Variants in DLG2 observed in about 807,000 individuals in gnomAD.
The protein encoded by DLG2 is disks large homolog 2.
DLG2 carries 45 observed loss-of-function variants against 132.5 expected under a neutral mutation model. The observed-to-expected ratio is 0.34, with a 90% CI of 0.27 to 0.44. The LOEUF (loss-of-function observed/expected upper bound fraction) is 0.44, where lower values mean the gene tolerates loss of function less well. DLG2 is among the 20% of genes least tolerant of loss of function. DLG2 has a pLI of 1.00. For missense variants in DLG2, 1,045 were observed against 1,196.9 expected (o/e 0.87, Z 1.87); for synonymous variants, 424 against 419.6 (o/e 1.01, Z -0.13).
At chr11:85,444,626 G>A (rs1247028966) in intron 3 of DLG2, among the ~76,000 whole-genome samples, 1 of 152,148 alleles carries the variant, frequency 6.6e-6, no homozygotes, top group African/African-American at 2.4e-5. Context: ...GCATGCCCTC[G>A]ACAAGAGCTA....
chr11:84,040,549 C>T (rs928934533), intron 11 of DLG2, among the ~76,000 whole-genome samples: 2,500 of 152,106 alleles, frequency 0.016, 72 homozygotes, highest in African/African-American at 0.056. Flanking sequence ...GGCATTATTT[C>T]TGAGGGCTCT....
chr11:84,184,276 T>G (rs928576772), intron 8 of DLG2, among the ~76,000 whole-genome samples: 28 of 151,554 alleles, frequency 1.8e-4, no homozygotes, highest in African/African-American at 5.8e-4. Context: ...TTCTAACTGG[T>G]GTGAGATGGT....
intron 18 of DLG2, among the ~76,000 whole-genome samples, chr11:83,775,539 A>C (rs1018122986): frequency 5.3e-5 from 8 of 152,180 alleles, no homozygotes; most frequent in Non-Finnish European, 1.0e-4. Context: ...ATTTTTAGAA[A>C]GGTGTCAGGC....
At chr11:84,640,482 A>G in intron 6 of DLG2, 1 of 459,162 alleles carries the variant, frequency 2.2e-6, no homozygotes. Flanking sequence ...GCAAGCCACA[A>G]CAGTTAAAAA....
intron 7 of DLG2, among the ~76,000 whole-genome samples, chr11:84,484,261 T>C (rs992045653): frequency 6.6e-6 from 1 of 152,142 alleles, no homozygotes; most frequent in South Asian, 2.1e-4. Context: ...TAAAAGCTAG[T>C]GTAAGATCCT....
intron 3 of DLG2, among the ~76,000 whole-genome samples, chr11:85,419,716 T>G (rs771630469): frequency 1.3e-5 from 2 of 152,230 alleles, no homozygotes; most frequent in Non-Finnish European, 2.9e-5. Flanking sequence ...TTCCACTTGA[T>G]CAACTCGGCT....
chr11:85,319,339 A>C (rs1313830270), intron 3 of DLG2, among the ~76,000 whole-genome samples: 1 of 151,860 alleles, frequency 6.6e-6, no homozygotes, highest in Non-Finnish European at 1.5e-5. Context: ...AAGGTTTAAC[A>C]ATAGTAATCT....
intron 14 of DLG2, among the ~76,000 whole-genome samples, chr11:83,962,048 C>T (rs575901789): frequency 3.9e-5 from 6 of 152,052 alleles, no homozygotes; most frequent in African/African-American, 7.2e-5. Context: ...CTTTCCTCTC[C>T]GGCAGAAAGT....
intron 18 of DLG2, among the ~76,000 whole-genome samples, chr11:83,760,870 C>A (rs866375668): frequency 1.3e-5 from 2 of 152,136 alleles, no homozygotes; most frequent in African/African-American, 4.8e-5. Flanking sequence ...TACCTTTCTG[C>A]CTACATCAAG....
chr11:85,021,607 G>A lies in DLG2; in HGVS notation c.357+90054C>T, dbSNP rs140383506. On this transcript the variant is annotated intron_variant, in intron 6 of 27. Transcript: ENST00000376104. ...GTTGAGATTCCCAGTGAACACACGG[G>A]AGTTCATGGAGCGAGGATCTGTCTT... The A allele has an allele frequency of 4.4e-3, 6,043 of 1,386,316 alleles. 14 individuals carry two copies. Among genetic ancestry groups the A allele is most frequent in the Non-Finnish European group, 5.6e-3 (5,429 of 972,450 alleles). The allele number at this position is 1,386,316 out of a possible 1,614,324, so 85.9% of individuals were successfully genotyped here. A position where few individuals can be genotyped will look rare whatever the true frequency, so the allele number is the denominator to read the frequency against.
At chr11:85,005,764 T>C (rs1394487239) in intron 6 of DLG2, among the ~76,000 whole-genome samples, 1 of 152,222 alleles carries the variant, frequency 6.6e-6, no homozygotes, top group Non-Finnish European at 1.5e-5. Context: ...CAATACTATG[T>C]TGAATAGGAG....
chr11:84,125,777 C>A (rs181979216), intron 9 of DLG2, among the ~76,000 whole-genome samples: 78 of 152,232 alleles, frequency 5.1e-4, no homozygotes, highest in African/African-American at 1.9e-3. Flanking sequence ...TTGGTCAAGG[C>A]AATGTGAAGA....
At chr11:83,870,935 T>C (rs752957563) in intron 16 of DLG2, among the ~76,000 whole-genome samples, 2 of 152,168 alleles carry the variant, frequency 1.3e-5, no homozygotes, top group African/African-American at 4.8e-5. Context: ...TCTAATAGAA[T>C]GCAATGTAAA....
intron 8 of DLG2, among the ~76,000 whole-genome samples, chr11:84,220,261 T>A (rs561381109): frequency 9.9e-5 from 15 of 152,226 alleles, no homozygotes; most frequent in African/African-American, 3.4e-4. Context: ...AAATTCCTTA[T>A]GGTACTAGAC....
At chr11:85,073,735 C>A (rs1044358447) in intron 6 of DLG2, among the ~76,000 whole-genome samples, 4 of 151,842 alleles carry the variant, frequency 2.6e-5, no homozygotes, top group African/African-American at 9.7e-5. Context: ...TTCAACCCAG[C>A]AATCCCACTA....
intron 3 of DLG2, among the ~76,000 whole-genome samples, chr11:85,516,145 AG>A (rs1021581456): frequency 6.6e-6 from 1 of 152,060 alleles, no homozygotes; most frequent in African/African-American, 2.4e-5. Context: ...AATTCTAAGA[AG>A]AACTCTCAAA....
At chr11:84,416,139 T>C (rs1486748083) in intron 7 of DLG2, among the ~76,000 whole-genome samples, 1 of 152,194 alleles carries the variant, frequency 6.6e-6, no homozygotes, top group Admixed American at 6.5e-5. Flanking sequence ...GATACCAATA[T>C]CCTTTCATGA....
intron 5 of DLG2, among the ~76,000 whole-genome samples, chr11:85,129,302 T>G (rs2075457946): frequency 6.6e-6 from 1 of 152,218 alleles, no homozygotes; most frequent in African/African-American, 2.4e-5. Context: ...AAGATCTTAC[T>G]CCAAATCTGA....
chr11:83,928,691 C>A lies in DLG2; in HGVS notation c.1496+1637G>T, dbSNP rs2079495597. Among the ~76,000 whole-genome samples, 3 of 152,068 alleles carry A rather than the reference C, an allele frequency of 2.0e-5. No homozygotes were observed. The South Asian group carries it at 6.2e-4, about 32-fold the overall frequency. Reference sequence around the variant, plus strand: ...CAGCTGTCACTTACTAATGGATGATCTTGGGCAAGTCAGGCAACTTATCAA... The same window carrying A: ...CAGCTGTCACTTACTAATGGATGATATTGGGCAAGTCAGGCAACTTATCAA... On this transcript the variant is annotated intron_variant, in intron 15 of 27. Coordinates refer to ENST00000376104, the MANE Select transcript of DLG2 (RefSeq NM_001142699.3).
Sources: allele counts gnomAD v4.1 joint callset (sites outside exome capture counted in the v4.1 genomes callset), GRCh38; gene constraint gnomAD v4.1.1; transcripts MANE v1.5; gene names NCBI Gene and HGNC (gene_info 2026-07-23, HGNC 2026-07-21).